Variants in SHQ1 observed in about 807,000 individuals in gnomAD.
SHQ1 encodes protein SHQ1 homolog.
SHQ1 carries 49 observed loss-of-function variants against 53.8 expected under a neutral mutation model. The observed-to-expected ratio is 0.91, with a 90% CI of 0.72 to 1.16. The LOEUF is 1.16. Ranked by LOEUF, SHQ1 falls within the 50% of genes most tolerant of loss-of-function variation. SHQ1 has a pLI of 0.00. For missense variants in SHQ1, 738 were observed against 683.1 expected, an observed-to-expected ratio of 1.08 and a Z score of -0.90; for synonymous variants, 243 against 251.0, an observed-to-expected ratio of 0.97 and a Z score of 0.30.
chr3:72,780,086 T>C (rs1295834245), intron 10 of SHQ1, among the ~76,000 whole-genome samples: 2 of 152,160 alleles, frequency 1.3e-5, no homozygotes, highest in Non-Finnish European at 2.9e-5. Flanking sequence ...TTAAAAAATA[T>C]TTAATTTTTT....
intron 6 of SHQ1, among the ~76,000 whole-genome samples, chr3:72,823,723 A>T (rs1045160800): frequency 6.6e-6 from 1 of 152,216 alleles, no homozygotes; most frequent in African/African-American, 2.4e-5. Flanking sequence ...GTGGGAATAT[A>T]TATTTTTAAA....
chr3:72,833,094 T>C (rs914975310), intron 4 of SHQ1, among the ~76,000 whole-genome samples: 3 of 152,130 alleles, frequency 2.0e-5, no homozygotes, highest in Non-Finnish European at 1.5e-5. Context: ...AGTGCCATGT[T>C]TGTGCTCAAA....
rs529923383 is a variant in SHQ1, at chr3:72,786,729, C to T, written c.1181+6187G>A. Among the ~76,000 whole-genome samples the T allele has an allele frequency of 7.9e-5, 12 of 152,302 alleles. No individual in the cohort carries two copies. The South Asian group carries it at 1.9e-3, about 24-fold the overall frequency. ...CACTAGAAGACCAACTTCACAACGA[C>T]GTGTCTCTCTTGTTCACCACAGTAT... is the stretch of plus-strand genomic sequence containing the variant. On this transcript the variant is annotated intron_variant, in intron 10 of 10. Coordinates refer to ENST00000325599, the MANE Select transcript of SHQ1 (RefSeq NM_018130.3).
At chr3:72,761,006 A>G (rs985404938) in intron 10 of SHQ1, among the ~76,000 whole-genome samples, 1 of 152,158 alleles carries the variant, frequency 6.6e-6, no homozygotes, top group African/African-American at 2.4e-5. Context: ...GACGATTCCA[A>G]CGATTCAACA....
chr3:72,766,141 T>C (rs1189866253), intron 10 of SHQ1, among the ~76,000 whole-genome samples: 1 of 152,136 alleles, frequency 6.6e-6, no homozygotes, highest in African/African-American at 2.4e-5. Context: ...TATACATCAC[T>C]GAACAGCCTA....
chr3:72,771,584 C>T (rs1358791383), intron 10 of SHQ1, among the ~76,000 whole-genome samples: 1 of 152,086 alleles, frequency 6.6e-6, no homozygotes, highest in Non-Finnish European at 1.5e-5. Flanking sequence ...TCTGGTCAAA[C>T]CTGAAGCATT....
At chr3:72,758,343 T>C (rs1705540272) in intron 10 of SHQ1, among the ~76,000 whole-genome samples, 1 of 152,184 alleles carries the variant, frequency 6.6e-6, no homozygotes, top group Non-Finnish European at 1.5e-5. Context: ...ATATCTAGTT[T>C]GGGCCAATAA....
intron 6 of SHQ1, among the ~76,000 whole-genome samples, chr3:72,820,072 C>A (rs1707431938): frequency 6.6e-6 from 1 of 152,124 alleles, no homozygotes; most frequent in East Asian, 1.9e-4. Context: ...CTAATAGACC[C>A]CTGCTCCCAC....
At chr3:72,774,196 C>T (rs1372900790) in intron 10 of SHQ1, among the ~76,000 whole-genome samples, 2 of 152,100 alleles carry the variant, frequency 1.3e-5, no homozygotes, top group African/African-American at 4.8e-5. Context: ...AAAGTAAAAA[C>T]TGACAGGTCT....
chr3:72,848,120 C>T, intron 1 of SHQ1, 78 bp downstream of exon 1: 1 of 1,567,998 alleles, frequency 6.4e-7, no homozygotes, highest in Non-Finnish European at 8.8e-7. Context: ...GAGCACTGCT[C>T]TCTCGACCTT....
At chr3:72,823,751 A>C (rs913069129) in intron 6 of SHQ1, among the ~76,000 whole-genome samples, 3 of 152,214 alleles carry the variant, frequency 2.0e-5, no homozygotes, top group African/African-American at 4.8e-5. Context: ...CAAAATTGCT[A>C]ATAGTGATTA....
In SHQ1 at chr3:72,750,106, G is replaced by T; in HGVS notation, c.*178C>A. ...GTCTGTACATGTTTGGTACAGATGCGATTTTTTCTTCAATATTTTTGATCT... is the reference window on the plus strand; with the variant it reads ...GTCTGTACATGTTTGGTACAGATGCTATTTTTTCTTCAATATTTTTGATCT... On this transcript the variant is annotated 3_prime_UTR_variant, in exon 11 of 11. Coordinates refer to ENST00000325599, the MANE Select transcript of SHQ1 (RefSeq NM_018130.3). 1 of 601,942 alleles carries T rather than the reference G, an allele frequency of 1.7e-6. No homozygotes were observed. The allele number at this position is 601,942 out of a possible 1,614,324, so 37.3% of individuals were successfully genotyped here. A position where few individuals can be genotyped will look rare whatever the true frequency, so the allele number is the denominator to read the frequency against.
chr3:72,756,960 G>A (rs1335541932), intron 10 of SHQ1, among the ~76,000 whole-genome samples: 1 of 152,172 alleles, frequency 6.6e-6, no homozygotes, highest in South Asian at 2.1e-4. Context: ...ACTGTAGGAG[G>A]GGGAAAGCCT....
intron 3 of SHQ1, among the ~76,000 whole-genome samples, chr3:72,842,009 C>A (rs1159795816): frequency 6.6e-6 from 1 of 152,174 alleles, no homozygotes; most frequent in Non-Finnish European, 1.5e-5. Context: ...TAACTGTATA[C>A]TTCTGATCTT....
chr3:72,763,558 A>C (rs1477169161), intron 10 of SHQ1, among the ~76,000 whole-genome samples: 1 of 152,212 alleles, frequency 6.6e-6, no homozygotes, highest in Non-Finnish European at 1.5e-5. Context: ...CCTGTTTTGG[A>C]AACAGGGTCT....
intron 9 of SHQ1, among the ~76,000 whole-genome samples, chr3:72,808,613 C>T (rs1000383913): frequency 6.6e-6 from 1 of 152,130 alleles, no homozygotes; most frequent in Non-Finnish European, 1.5e-5. Flanking sequence ...CGCTGGCACA[C>T]AGAAGGTAGC....
intron 9 of SHQ1, among the ~76,000 whole-genome samples, chr3:72,811,814 T>TC (rs1158078697): frequency 1.3e-5 from 2 of 152,164 alleles, no homozygotes; most frequent in South Asian, 4.1e-4. Context: ...TTCCTTTCTT[T>TC]CCCCTTCTTA....
At chr3:72,803,497 G>GA (rs1032479570) in intron 9 of SHQ1, among the ~76,000 whole-genome samples, 2 of 152,152 alleles carry the variant, frequency 1.3e-5, no homozygotes, top group Non-Finnish European at 2.9e-5. Context: ...GAAGGCGAGA[G>GA]AAAATAGCTG....
At chr3:72,733,156 G>A in the SHQ1 span, among the ~76,000 whole-genome samples, 6 of 151,624 alleles carry the variant, frequency 4.0e-5, no homozygotes, top group Non-Finnish European at 5.9e-5. Context: ...CTCCCAGGCT[G>A]GGCAGCAATG....
Sources: allele counts gnomAD v4.1 joint callset (sites outside exome capture counted in the v4.1 genomes callset), GRCh38; gene constraint gnomAD v4.1.1; transcripts MANE v1.5; gene names NCBI Gene and HGNC (gene_info 2026-07-23, HGNC 2026-07-21).